The following GABRG1 variants were observed in gnomAD, a reference collection of about 807,000 sequenced individuals.
The protein encoded by GABRG1 is gamma-aminobutyric acid receptor subunit gamma-1.
In GABRG1, 49 loss-of-function variants were observed where a neutral mutation model predicts 49.8. The observed-to-expected ratio is 0.98, with a 90% CI of 0.78 to 1.25. The LOEUF (loss-of-function observed/expected upper bound fraction) is 1.25, where lower values mean the gene tolerates loss of function less well. Ranked by LOEUF, GABRG1 falls within the 50% of genes most tolerant of loss-of-function variation. GABRG1 has a pLI of 0.00. For synonymous variants in GABRG1, 232 were observed against 185.1 expected (o/e 1.25, Z -2.06); for missense variants, 552 against 552.3 (o/e 1.00, Z 0.01).
intron 1 of GABRG1, among the ~76,000 whole-genome samples, chr4:46,107,157 T>C (rs1173469205): frequency 6.6e-6 from 1 of 151,268 alleles, no homozygotes; most frequent in Admixed American, 6.6e-5. Flanking sequence ...GTTTTATTCA[T>C]TCATTCCATT....
Position 46,064,463 on chromosome 4 carries a change from G to C in GABRG1, c.603C>G (p.Ser201=). The change falls in exon 5 of 9, where the codon TCC becomes TCG. Residue 201 remains serine (S), a synonymous_variant. Coordinates refer to ENST00000295452, the MANE Select transcript of GABRG1 (RefSeq NM_173536.4). ...TACAGCTTGAAAATTCCAGTGGACA[G>C]GAATGTTCATCCATGGGAAAGTTAT... ...QLHNFPMDEH[S]CPLEFSSYGY... The C allele has an allele frequency of 3.2e-6, 5 of 1,541,124 alleles. No individual in the cohort carries two copies. Among genetic ancestry groups the C allele is most frequent in the Non-Finnish European group, 4.4e-6 (5 of 1,144,566 alleles).
intron 5 of GABRG1, 39 bp downstream of exon 5, chr4:46,064,402 T>C: frequency 8.8e-7 from 1 of 1,131,486 alleles, no homozygotes; most frequent in South Asian, 1.5e-5. Flanking sequence ...GCTTCTAAGG[T>C]TAAAATTCTA....
At chr4:46,051,016 A>G (rs1718196613) in intron 8 of GABRG1, among the ~76,000 whole-genome samples, 1 of 151,914 alleles carries the variant, frequency 6.6e-6, no homozygotes, top group Non-Finnish European at 1.5e-5. Context: ...AAAAACAAAA[A>G]AAGAACGTTG....
chr4:46,103,431 T>G (rs569934480), intron 1 of GABRG1, among the ~76,000 whole-genome samples: 11 of 151,626 alleles, frequency 7.3e-5, no homozygotes, highest in Non-Finnish European at 1.5e-4. Context: ...AGTTAGTTGG[T>G]CATTATTTCC....
intron 8 of GABRG1, among the ~76,000 whole-genome samples, chr4:46,044,213 C>A (rs148720625): frequency 3.3e-5 from 5 of 152,098 alleles, no homozygotes; most frequent in Non-Finnish European, 5.9e-5. Context: ...TGGCTCACAC[C>A]TGTAATCCCA....
intron 8 of GABRG1, among the ~76,000 whole-genome samples, chr4:46,050,955 G>A (rs553186893): frequency 6.6e-6 from 1 of 151,930 alleles, no homozygotes; most frequent in African/African-American, 2.4e-5. Context: ...TGTGATATAA[G>A]TTAAGGTAAT....
rs2109431434 is a variant in GABRG1, at chr4:46,097,338, G to C, written c.116C>G (p.Ala39Gly). 6.2e-7 allele frequency: 1 copy of C among 1,606,834 alleles called. No individual in the cohort carries two copies. Among genetic ancestry groups the C allele is most frequent in the South Asian group, 1.1e-5 (1 of 90,264 alleles). The change falls in exon 2 of 9, where the codon GCA becomes GGA. Residue 39 changes from alanine to glycine, a missense_variant. Physicochemically the swap from Ala to Gly is moderately conservative, Grantham distance 60. Coordinates refer to ENST00000295452, the MANE Select transcript of GABRG1 (RefSeq NM_173536.4). Reference sequence around the variant, plus strand: ...TAAATCCTCATCATCTTCATCATCTGCCTTATCAACACTAAATAATTCAAA... The same window carrying C: ...TAAATCCTCATCATCTTCATCATCTCCCTTATCAACACTAAATAATTCAAA... ...TLHLGNCVDK[A>G]DDEDDEDLTV... is the part of the protein sequence containing the mutation.
Position 46,038,330 on chromosome 4 carries a change from T to C in GABRG1, c.*2658A>G, listed in dbSNP as rs1428256384. The stretch of plus-strand genomic sequence containing the variant: ...GTAAATCCAAAATCACATTTTCCCC[T>C]CTCAGAATTTCTAGATCCTTGTCAC... On this transcript the variant is annotated 3_prime_UTR_variant, in exon 9 of 9. Transcript: ENST00000295452. 1 of 151,666 alleles carries C rather than the reference T, an allele frequency of 6.6e-6. No individual in the cohort carries two copies. Among genetic ancestry groups the C allele is most frequent in the Non-Finnish European group, 1.5e-5 (1 of 67,686 alleles). The allele number at this position is 151,666 out of a possible 1,614,324, so 9.4% of individuals were successfully genotyped here. A position where few individuals can be genotyped will look rare whatever the true frequency, so the allele number is the denominator to read the frequency against.
chr4:46,064,013 T>C (rs1239372917), intron 5 of GABRG1, among the ~76,000 whole-genome samples: 4 of 152,156 alleles, frequency 2.6e-5, no homozygotes, highest in Non-Finnish European at 5.9e-5. Context: ...GCTATTCGTA[T>C]GGTAAATACT....
chr4:46,089,717 C>T (rs1027291032), intron 2 of GABRG1, among the ~76,000 whole-genome samples: 1 of 152,072 alleles, frequency 6.6e-6, no homozygotes. Flanking sequence ...AATCCCAGCA[C>T]TTTGGGAGGC....
intron 2 of GABRG1, among the ~76,000 whole-genome samples, chr4:46,090,469 C>T (rs1353430277): frequency 1.3e-5 from 2 of 151,820 alleles, no homozygotes; most frequent in Non-Finnish European, 2.9e-5. Context: ...ATATTTTAAG[C>T]ATTGATTTAG....
chr4:46,063,106 T>C (rs955902779), intron 5 of GABRG1, among the ~76,000 whole-genome samples: 18 of 151,424 alleles, frequency 1.2e-4, no homozygotes, highest in Non-Finnish European at 1.9e-4. Context: ...AGGTAATTTA[T>C]AGATTCAATG....
chr4:46,041,951 A>G (rs891782981), intron 8 of GABRG1, among the ~76,000 whole-genome samples: 2 of 152,056 alleles, frequency 1.3e-5, no homozygotes, highest in African/African-American at 4.8e-5. Context: ...AATAATAGCT[A>G]CTATTATTAA....
intron 2 of GABRG1, among the ~76,000 whole-genome samples, chr4:46,086,733 T>A (rs16859046): frequency 0.012 from 1,870 of 151,748 alleles, 38 homozygotes; most frequent in African/African-American, 0.043. Context: ...GTAAATGATA[T>A]AGGTACAATT....
rs779463470 is a variant in GABRG1 at position 46,038,259 on chromosome 4, T to C, written c.*2729A>G. On this transcript the variant is annotated 3_prime_UTR_variant, in exon 9 of 9. Coordinates refer to ENST00000295452, the MANE Select transcript of GABRG1 (RefSeq NM_173536.4). Reference sequence around the variant, plus strand: ...CAAAAATTAATTTAAGTGAGCCTAATTTTGTCCATGGAATTCGAAGATAAA... The same window carrying C: ...CAAAAATTAATTTAAGTGAGCCTAACTTTGTCCATGGAATTCGAAGATAAA... 4.2e-4 allele frequency: 64 copies of C among 151,740 alleles called. No individual in the cohort carries two copies. Among genetic ancestry groups the C allele is most frequent in the Non-Finnish European group, 2.8e-4 (19 of 67,690 alleles). 9.4% of individuals were successfully genotyped at this position (151,740 alleles called of 1,614,324 possible). A position where few individuals can be genotyped will look rare whatever the true frequency, so the allele number is the denominator to read the frequency against.
rs768318792 is a variant in GABRG1 at position 46,097,273 on chromosome 4, C to T, written c.181G>A (p.Glu61Lys). ...TTCAGAATTTGTGTGATATCTCCTTCATGAATTTTTGGGGCCAAGACCCAG... is the reference window on the plus strand; with the variant it reads ...TTCAGAATTTGTGTGATATCTCCTTTATGAATTTTTGGGGCCAAGACCCAG... Reference protein sequence around the residue: ...KTWVLAPKIHEGDITQILNSL... With the variant: ...KTWVLAPKIHKGDITQILNSL... The change falls in exon 2 of 9, where the codon GAA (glutamate) becomes AAA (lysine). Residue 61 changes from glutamate (E) to lysine (K), a missense_variant. Coordinates refer to ENST00000295452, the MANE Select transcript of GABRG1 (RefSeq NM_173536.4). 1 of 1,611,218 alleles carries T rather than the reference C, an allele frequency of 6.2e-7. No individual in the cohort carries two copies. Among genetic ancestry groups the T allele is most frequent in the Non-Finnish European group, 8.5e-7 (1 of 1,178,200 alleles).
chr4:46,094,522 G>A (rs1392744205), intron 2 of GABRG1, among the ~76,000 whole-genome samples: 1 of 151,936 alleles, frequency 6.6e-6, no homozygotes, highest in Non-Finnish European at 1.5e-5. Flanking sequence ...CAAGAACTAA[G>A]AGGAAAAGGA....
At chr4:46,059,918 A>G (rs561258168) in intron 5 of GABRG1, among the ~76,000 whole-genome samples, 1 of 152,202 alleles carries the variant, frequency 6.6e-6, no homozygotes, top group East Asian at 1.9e-4. Context: ...TGCTTGTTCA[A>G]TTGCCCATTA....
At position 46,065,409 on chromosome 4, in the gene GABRG1, C is replaced by T. The variant is rs764481527; in HGVS notation, c.497G>A (p.Arg166His). ...TCCATCATTCCAAATTCGAAGCAGA[C>T]GATTAGGAGTTGTTATCCAGTGAGC... is the stretch of plus-strand genomic sequence containing the variant. ...SDAHWITTPNRLLRIWNDGRV... is the reference protein window; with the variant it reads ...SDAHWITTPNHLLRIWNDGRV... The change falls in exon 4 of 9, where the codon CGT becomes CAT. Residue 166 changes from arginine to histidine, a missense_variant. Transcript: ENST00000295452. The T allele has an allele frequency of 3.7e-6, 6 of 1,613,336 alleles. No individual in the cohort carries two copies. The highest frequency in any genetic ancestry group is 5.1e-6 in the Non-Finnish European group (6 of 1,179,600).
Sources: gnomAD v4.1 joint callset for allele counts (sites outside exome capture counted in the v4.1 genomes callset) on GRCh38, gnomAD v4.1.1 for gene constraint, MANE v1.5 for transcripts, NCBI Gene and HGNC (gene_info 2026-07-23, HGNC 2026-07-21) for gene names.